GPR39: variants seen among roughly 807,000 people sequenced by gnomAD.
GPR39 encodes zinc sensing receptor.
In GPR39, 23 loss-of-function variants were observed where a neutral mutation model predicts 18.4. The observed-to-expected ratio is 1.25, with a 90% CI of 0.90 to 1.77. The LOEUF (loss-of-function observed/expected upper bound fraction) is 1.77. Ranked by LOEUF, GPR39 falls within the 40% of genes most tolerant of loss-of-function variation. The pLI is 0.00. For synonymous variants in GPR39, 280 were observed against 257.9 expected (o/e 1.09, Z -0.82); for missense variants, 647 against 602.4 (o/e 1.07, Z -0.78).
At chr2:132,496,442 C>G (rs1467847415) in intron 1 of GPR39, among the ~76,000 whole-genome samples, 1 of 152,142 alleles carries the variant, frequency 6.6e-6, no homozygotes, top group Non-Finnish European at 1.5e-5. Context: ...CTGGTCCCCT[C>G]CCAAAATAAT....
rs113026250 is a variant in GPR39, at chr2:132,614,177, C to CTT, written c.857-30915_857-30914dup. Among the ~76,000 whole-genome samples the CTT allele has an allele frequency of 5.2e-3, 762 of 146,930 alleles. 5 individuals are homozygous for CTT. The highest frequency in any genetic ancestry group is 0.018 in the African/African-American group (704 of 38,970). On this transcript the variant is annotated intron_variant, in intron 1 of 1. Transcript: ENST00000329321. ...TGCAGTGTCTTGAGGAACTTGCTTGCTTTTTTTTTTGTTTTTGTTTTGTTT... is the reference window on the plus strand; with the variant it reads ...TGCAGTGTCTTGAGGAACTTGCTTGCTTTTTTTTTTTTGTTTTTGTTTTGTTT...
At chr2:132,524,812 C>G (rs1335269758) in intron 1 of GPR39, among the ~76,000 whole-genome samples, 1 of 152,238 alleles carries the variant, frequency 6.6e-6, no homozygotes, top group African/African-American at 2.4e-5. Flanking sequence ...TCAGAAGTCA[C>G]ACTATCACAT....
chr2:132,426,960 C>T (rs1450890306), intron 1 of GPR39, among the ~76,000 whole-genome samples: 2 of 151,878 alleles, frequency 1.3e-5, no homozygotes, highest in Non-Finnish European at 2.9e-5. Flanking sequence ...AGAGAGAAGC[C>T]ACTCTCTTTC....
At chr2:132,536,508 G>A (rs1306936179) in intron 1 of GPR39, among the ~76,000 whole-genome samples, 1 of 151,556 alleles carries the variant, frequency 6.6e-6, no homozygotes, top group Non-Finnish European at 1.5e-5. Flanking sequence ...GACTTTAGAA[G>A]AAGTGCCATG....
chr2:132,610,350 C>T (rs766319998), intron 1 of GPR39, among the ~76,000 whole-genome samples: 1 of 152,168 alleles, frequency 6.6e-6, no homozygotes, highest in Non-Finnish European at 1.5e-5. Context: ...TAAGATGACA[C>T]TAGCTGCTGT....
At chr2:132,515,370 G>T (rs571694013) in intron 1 of GPR39, among the ~76,000 whole-genome samples, 3 of 152,108 alleles carry the variant, frequency 2.0e-5, no homozygotes, top group Non-Finnish European at 2.9e-5. Flanking sequence ...TTTCACCACT[G>T]TATCCCCTGC....
At chr2:132,510,505 A>AG (rs1463867243) in intron 1 of GPR39, among the ~76,000 whole-genome samples, 2 of 152,128 alleles carry the variant, frequency 1.3e-5, no homozygotes, top group Non-Finnish European at 2.9e-5. Context: ...TTCAGGGTTG[A>AG]GGGCAGGCTG....
intron 1 of GPR39, among the ~76,000 whole-genome samples, chr2:132,438,150 C>A (rs990282641): frequency 5.9e-5 from 9 of 152,188 alleles, no homozygotes; most frequent in African/African-American, 2.2e-4. Context: ...CAGTTCCTGA[C>A]TGGAAGGATC....
At chr2:132,532,713 T>C (rs1244097816) in intron 1 of GPR39, among the ~76,000 whole-genome samples, 2 of 152,166 alleles carry the variant, frequency 1.3e-5, no homozygotes, top group Non-Finnish European at 2.9e-5. Context: ...ATAAACATAA[T>C]CCGGCATATA....
rs755080777 is a variant in GPR39 at position 132,513,061 on chromosome 2, GGGTC to G, written c.856+95167_856+95170del. On this transcript the variant is annotated intron_variant, in intron 1 of 1. Transcript: ENST00000329321. ...CACCTGGGGATTTAGCTGGGCTCCT[GGGTC>G]GGTTCTGTTCAAGATGGCTCAATCA... 9.7e-4 allele frequency among the ~76,000 whole-genome samples: 148 copies of G among 152,258 alleles called. 1 individual carries two copies. Among genetic ancestry groups the G allele is most frequent in the Non-Finnish European group, 1.0e-3 (69 of 68,020 alleles).
At position 132,602,042 on chromosome 2, in the gene GPR39, A is replaced by T. The variant is rs985478337; in HGVS notation, c.857-43059A>T. Among the ~76,000 whole-genome samples, 5 of 152,172 alleles carry T rather than the reference A, an allele frequency of 3.3e-5. No individual in the cohort carries two copies. In the East Asian group the frequency reaches 9.6e-4, roughly 29 times the overall value. Reference sequence around the variant, plus strand: ...TTCTTCACAGAAATAGAAAAAAAAAAACCTTAAATTAGTATGGAACCACAA... The same window carrying T: ...TTCTTCACAGAAATAGAAAAAAAAATACCTTAAATTAGTATGGAACCACAA... On this transcript the variant is annotated intron_variant, in intron 1 of 1. Coordinates refer to ENST00000329321, the MANE Select transcript of GPR39 (RefSeq NM_001508.3).
At chr2:132,584,983 C>T (rs73955709) in intron 1 of GPR39, among the ~76,000 whole-genome samples, 2,003 of 152,324 alleles carry the variant, frequency 0.013, 50 homozygotes, top group African/African-American at 0.045. Context: ...ATGGGCTCTC[C>T]TGCCCCCCAC....
At chr2:132,638,700 A>C (rs1487258488) in intron 1 of GPR39, among the ~76,000 whole-genome samples, 1 of 152,220 alleles carries the variant, frequency 6.6e-6, no homozygotes, top group Non-Finnish European at 1.5e-5. Flanking sequence ...GAAAGTGCTA[A>C]AATCTTTTAT....
At chr2:132,635,638 G>T (rs757958258) in intron 1 of GPR39, among the ~76,000 whole-genome samples, 6 of 152,126 alleles carry the variant, frequency 3.9e-5, no homozygotes, top group Non-Finnish European at 7.4e-5. Flanking sequence ...AAAGAGATGG[G>T]GGAGGGGGCC....
chr2:132,581,558 C>G (rs1170066823), intron 1 of GPR39, among the ~76,000 whole-genome samples: 1 of 152,132 alleles, frequency 6.6e-6, no homozygotes, highest in Admixed American at 6.5e-5. Context: ...GACCAAGAAT[C>G]TAGAATCCAA....
intron 1 of GPR39, among the ~76,000 whole-genome samples, chr2:132,538,162 T>G (rs904881075): frequency 6.6e-6 from 1 of 152,196 alleles, no homozygotes; most frequent in Admixed American, 6.5e-5. Context: ...TTTGCCCTGA[T>G]TTTTCCTCAT....
At chr2:132,532,775 G>A (rs1037545448) in intron 1 of GPR39, among the ~76,000 whole-genome samples, 2 of 151,588 alleles carry the variant, frequency 1.3e-5, no homozygotes, top group South Asian at 2.1e-4. Flanking sequence ...TGCAGAAAAG[G>A]CCTTTGACAA....
chr2:132,568,712 C>A (rs926062336), intron 1 of GPR39, among the ~76,000 whole-genome samples: 1 of 151,776 alleles, frequency 6.6e-6, no homozygotes, highest in African/African-American at 2.4e-5. Context: ...TCTCAAAAAA[C>A]CTAGGTTTTC....
chr2:132,619,252 A>G (rs1448380361), intron 1 of GPR39, among the ~76,000 whole-genome samples: 1 of 152,224 alleles, frequency 6.6e-6, no homozygotes, highest in Non-Finnish European at 1.5e-5. Context: ...CTTAGCAGAA[A>G]GCTATGATCA....
Sources: gnomAD v4.1 joint callset for allele counts (sites outside exome capture counted in the v4.1 genomes callset) on GRCh38, gnomAD v4.1.1 for gene constraint, MANE v1.5 for transcripts, NCBI Gene and HGNC (gene_info 2026-07-23, HGNC 2026-07-21) for gene names.